Variants in NCKAP5 observed in about 807,000 individuals in gnomAD.
NCKAP5 encodes nck-associated protein 5.
NCKAP5 carries 92 observed loss-of-function variants against 167.0 expected under a neutral mutation model. That is an observed-to-expected ratio of 0.55 (90% confidence interval 0.47 to 0.66). NCKAP5 has a LOEUF of 0.66. Ranked by LOEUF, NCKAP5 falls within the 30% of genes least tolerant of loss-of-function variation. The pLI, the probability that NCKAP5 is intolerant of heterozygous loss-of-function variation, is 0.00. For missense variants in NCKAP5, 2,378 were observed against 2,315.0 expected, an observed-to-expected ratio of 1.03 and a Z score of -0.56; for synonymous variants, 891 against 877.4, an observed-to-expected ratio of 1.02 and a Z score of -0.27.
At chr2:133,224,168 T>A (rs1250921167) in intron 4 of NCKAP5, among the ~76,000 whole-genome samples, 1 of 152,180 alleles carries the variant, frequency 6.6e-6, no homozygotes, top group African/African-American at 2.4e-5. Context: ...ACATTTTCAT[T>A]CATTCGTTCA....
At chr2:133,471,920 G>T (rs1404582705) in intron 3 of NCKAP5, among the ~76,000 whole-genome samples, 1 of 152,078 alleles carries the variant, frequency 6.6e-6, no homozygotes, top group Non-Finnish European at 1.5e-5. Flanking sequence ...AGTTTGACAT[G>T]GTCATTGATC....
chr2:133,180,352 T>C (rs1356827413), intron 5 of NCKAP5, among the ~76,000 whole-genome samples: 1 of 152,126 alleles, frequency 6.6e-6, no homozygotes, highest in Non-Finnish European at 1.5e-5. Flanking sequence ...TTTCTTTCTT[T>C]GAAACAGGGT....
chr2:132,739,594 C>T (rs116481355), intron 16 of NCKAP5, among the ~76,000 whole-genome samples: 134 of 152,142 alleles, frequency 8.8e-4, no homozygotes, highest in African/African-American at 3.1e-3. Context: ...AAGTGAGGGC[C>T]CCTGTAGGTA....
rs1026036288 is a variant in NCKAP5 at position 133,308,152 on chromosome 2, G to A, written c.70-5042C>T. On this transcript the variant is annotated intron_variant, in intron 3 of 19. Coordinates refer to ENST00000409261, the MANE Select transcript of NCKAP5 (RefSeq NM_207363.3). ...CGCCCAGGCTGGAGTGCAGTGGCGG[G>A]ATCTCGGCTCACTGCAAGCTCCGCC... Among the ~76,000 whole-genome samples the A allele has an allele frequency of 2.6e-4, 38 of 147,244 alleles. No individual in the cohort carries two copies. In the South Asian group the frequency reaches 3.2e-3, roughly 12 times the overall value.
At chr2:132,697,060 T>C (rs1007308882) in intron 19 of NCKAP5, among the ~76,000 whole-genome samples, 17 of 152,130 alleles carry the variant, frequency 1.1e-4, no homozygotes, top group African/African-American at 4.1e-4. Context: ...CTAATTTTTG[T>C]ATTTTTTTGT....
chr2:133,474,725 T>C (rs1335687435), intron 3 of NCKAP5, among the ~76,000 whole-genome samples: 1 of 152,028 alleles, frequency 6.6e-6, no homozygotes, highest in African/African-American at 2.4e-5. Context: ...GCAGCCTCTA[T>C]CTCTCTCCTA....
chr2:133,658,147 G>A, the NCKAP5 span, among the ~76,000 whole-genome samples: 3 of 147,990 alleles, frequency 2.0e-5, no homozygotes, highest in Non-Finnish European at 3.0e-5. Flanking sequence ...TGAAGGGTGC[G>A]AACACATCCT....
At chr2:132,711,148 G>A (rs1418309455) in intron 19 of NCKAP5, among the ~76,000 whole-genome samples, 12 of 152,202 alleles carry the variant, frequency 7.9e-5, no homozygotes. Flanking sequence ...TTCTACAATA[G>A]TAAATATGAG....
At chr2:133,463,057 T>C (rs1308297077) in intron 3 of NCKAP5, among the ~76,000 whole-genome samples, 2 of 152,228 alleles carry the variant, frequency 1.3e-5, no homozygotes, top group African/African-American at 4.8e-5. Context: ...TCTAGGAACA[T>C]TTATTGCTCC....
At chr2:133,423,524 T>C (rs2151099281) in intron 3 of NCKAP5, among the ~76,000 whole-genome samples, 1 of 152,310 alleles carries the variant, frequency 6.6e-6, no homozygotes, top group Admixed American at 6.5e-5. Context: ...AGGAATATTA[T>C]ATGTTATTAA....
intron 16 of NCKAP5, among the ~76,000 whole-genome samples, chr2:132,768,971 G>T (rs1365586649): frequency 7.2e-6 from 1 of 139,560 alleles, no homozygotes; most frequent in African/African-American, 2.8e-5. Flanking sequence ...ATGAGGCAGG[G>T]TCTTGCTCTG....
Position 132,796,720 on chromosome 2 carries a change from A to G in NCKAP5, c.817T>C (p.Ser273Pro), listed in dbSNP as rs764693316. ...CCAGATGAAAGATCCAAGAGACGTGAGTGAAGTTTCTAGGTAAAACCAAGC... is the reference window on the plus strand; with the variant it reads ...CCAGATGAAAGATCCAAGAGACGTGGGTGAAGTTTCTAGGTAAAACCAAGC... Reference protein sequence around the residue: ...TSDLLLQKLHSRLLDLSSGDL... With the variant: ...TSDLLLQKLHPRLLDLSSGDL... The change falls in exon 12 of 20, where the codon TCA becomes CCA. Residue 273 changes from serine (S) to proline (P), a missense_variant. Transcript: ENST00000409261. The G allele has an allele frequency of 8.1e-6, 13 of 1,610,514 alleles. No homozygotes were observed. Among genetic ancestry groups the G allele is most frequent in the Non-Finnish European group, 1.1e-5 (13 of 1,177,596 alleles).
At chr2:133,592,143 T>C in the NCKAP5 span, among the ~76,000 whole-genome samples, 225 of 152,312 alleles carry the variant, frequency 1.5e-3, no homozygotes, top group African/African-American at 4.9e-3. Flanking sequence ...GGACATACTA[T>C]CTGCGTAGAA....
intron 19 of NCKAP5, chr2:132,714,812 C>CAAAAAAA (rs11329925): frequency 2.9e-6 from 1 of 349,146 alleles, no homozygotes. Flanking sequence ...GAATCCATCT[C>CAAAAAAA]AAAAAAAAAA....
chr2:133,206,029 T>A (rs1261303371), intron 5 of NCKAP5, among the ~76,000 whole-genome samples: 30 of 152,262 alleles, frequency 2.0e-4, no homozygotes, highest in Non-Finnish European at 1.5e-5. Flanking sequence ...TTTGCCCAGC[T>A]CTTATACTAC....
Position 133,382,083 on chromosome 2 carries a change from C to A in NCKAP5, c.70-78973G>T, listed in dbSNP as rs531271719. ...GAACAACAAACCTACTCCTCCTCGTCTGATAGTTGTCTTTGAGTAAAACCA... is the reference window on the plus strand; with the variant it reads ...GAACAACAAACCTACTCCTCCTCGTATGATAGTTGTCTTTGAGTAAAACCA... On this transcript the variant is annotated intron_variant, in intron 3 of 19. Transcript: ENST00000409261. Among the ~76,000 whole-genome samples the A allele has an allele frequency of 3.3e-5, 5 of 152,348 alleles. No individual in the cohort carries two copies. In the South Asian group the frequency reaches 1.0e-3, roughly 32 times the overall value.
intron 19 of NCKAP5, among the ~76,000 whole-genome samples, chr2:132,685,623 C>A (rs752026245): frequency 1.3e-5 from 2 of 152,152 alleles, no homozygotes; most frequent in African/African-American, 2.4e-5. Flanking sequence ...GGCCCTGGAA[C>A]TACAATTAAT....
intron 6 of NCKAP5, 152 bp downstream of exon 6, chr2:133,129,826 G>T: frequency 1.2e-6 from 1 of 824,234 alleles, no homozygotes; most frequent in South Asian, 2.9e-5. Context: ...GAATGCCATA[G>T]GATGCTTCAG....
the NCKAP5 span, among the ~76,000 whole-genome samples, chr2:133,650,422 G>T: frequency 6.6e-6 from 1 of 152,226 alleles, no homozygotes; most frequent in Admixed American, 6.5e-5. Flanking sequence ...TATTGAGAAA[G>T]AACTAAGCTA....
Sources: gnomAD v4.1 joint callset for allele counts (sites outside exome capture counted in the v4.1 genomes callset) on GRCh38, gnomAD v4.1.1 for gene constraint, MANE v1.5 for transcripts, NCBI Gene and HGNC (gene_info 2026-07-23, HGNC 2026-07-21) for gene names.